The following IFT81 variants were observed in gnomAD, a reference collection of about 807,000 sequenced individuals.
The protein encoded by IFT81 is intraflagellar transport 81.
IFT81 carries 72 observed loss-of-function variants against 102.6 expected under a neutral mutation model. The observed-to-expected ratio is 0.70, with a 90% CI of 0.58 to 0.85. The LOEUF (loss-of-function observed/expected upper bound fraction) is 0.85. IFT81 is among the 40% of genes least tolerant of loss of function. The pLI, the probability that IFT81 is intolerant of heterozygous loss-of-function variation, is 0.00. For synonymous variants in IFT81, 237 were observed against 242.7 expected (o/e 0.98, Z 0.22); for missense variants, 723 against 787.3 (o/e 0.92, Z 0.98).
chr12:110,161,205 A>G lies in IFT81; in HGVS notation c.1042-1714A>G, dbSNP rs944409536. Among the ~76,000 whole-genome samples, 10 of 150,426 alleles carry G rather than the reference A, an allele frequency of 6.6e-5. No homozygotes were observed. The East Asian group carries it at 1.6e-3, about 23-fold the overall frequency. ...ACCCAGGCTGGAGGGCAGTGGTACAATCTCGGCTCACTGCAGCCTCTGCCT... is the reference window on the plus strand; with the variant it reads ...ACCCAGGCTGGAGGGCAGTGGTACAGTCTCGGCTCACTGCAGCCTCTGCCT... On this transcript the variant is annotated intron_variant, in intron 10 of 18. Transcript: ENST00000242591.
intron 17 of IFT81, among the ~76,000 whole-genome samples, chr12:110,206,175 G>T (rs1294305892): frequency 6.6e-6 from 1 of 152,198 alleles, no homozygotes; most frequent in African/African-American, 2.4e-5. Flanking sequence ...TAATTGTGCA[G>T]TGTGATGACT....
At position 110,163,083 on chromosome 12, in the gene IFT81, AT is replaced by A. The variant is rs1346056261; in HGVS notation, c.1188+19del. ...GAGATGAGGTAAGCTGAGCCATCTC[AT>A]GGGACAAGGGTATGAGTATTGTTTT... On this transcript the variant is annotated intron_variant, in intron 11 of 18. Transcript: ENST00000242591. 1.9e-6 allele frequency: 3 copies of A among 1,608,006 alleles called. No individual in the cohort carries two copies. The highest frequency in any genetic ancestry group is 2.6e-6 in the Non-Finnish European group (3 of 1,175,300).
At chr12:110,210,774 CA>C (rs1869301603) in intron 18 of IFT81, among the ~76,000 whole-genome samples, 1 of 151,682 alleles carries the variant, frequency 6.6e-6, no homozygotes, top group Non-Finnish European at 1.5e-5. Flanking sequence ...AATATCATGC[CA>C]AAAATAATTT....
intron 4 of IFT81, among the ~76,000 whole-genome samples, chr12:110,129,721 C>A (rs1894054219): frequency 1.3e-5 from 2 of 152,056 alleles, no homozygotes; most frequent in Non-Finnish European, 2.9e-5. Context: ...TCTTAAAGCT[C>A]TTGAGTACTG....
intron 14 of IFT81, among the ~76,000 whole-genome samples, chr12:110,202,600 G>A (rs752068479): frequency 3.3e-5 from 5 of 151,866 alleles, no homozygotes; most frequent in East Asian, 1.9e-4. Context: ...CTACAGGCAC[G>A]TGCCACCATG....
At chr12:110,130,364 T>A (rs1025848548) in intron 4 of IFT81, among the ~76,000 whole-genome samples, 1 of 139,410 alleles carries the variant, frequency 7.2e-6, no homozygotes, top group Non-Finnish European at 1.6e-5. Flanking sequence ...GTTGATTAAG[T>A]CTTTTTTTTT....
chr12:110,126,085 T>C (rs1192658243), intron 1 of IFT81, among the ~76,000 whole-genome samples: 1 of 152,154 alleles, frequency 6.6e-6, no homozygotes, highest in Non-Finnish European at 1.5e-5. Context: ...CAGACCATCC[T>C]GGCTAACACG....
rs796152227 is a variant in IFT81, at chr12:110,148,479, C to CT, written c.1041+1442dup. Among the ~76,000 whole-genome samples the CT allele has an allele frequency of 7.3e-3, 1,079 of 147,110 alleles. 1 individual carries two copies. The highest frequency in any genetic ancestry group is 9.8e-3 in the Non-Finnish European group (651 of 66,376). On this transcript the variant is annotated intron_variant, in intron 10 of 18. Coordinates refer to ENST00000242591, the MANE Select transcript of IFT81 (RefSeq NM_014055.4). ...CCTTCTTCATTTATTAGCTGGACTA[C>CT]TTTTTTTTTTTCTTTTGAGATGGAG...
Position 110,135,072 on chromosome 12 carries a change from T to G in IFT81, c.585+59T>G, listed in dbSNP as rs537316904. On this transcript the variant is annotated intron_variant, in intron 6 of 18. Transcript: ENST00000242591. Reference sequence around the variant, plus strand: ...CCAAGTCCCAAGGACTTGCAAAGATTTAGGAATGCAAATAAAGATTCAGCC... The same window carrying G: ...CCAAGTCCCAAGGACTTGCAAAGATGTAGGAATGCAAATAAAGATTCAGCC... 36 of 1,258,710 alleles carry G rather than the reference T, an allele frequency of 2.9e-5. No homozygotes were observed. The African/African-American group carries it at 5.1e-4, about 18-fold the overall frequency. 78.0% of individuals were successfully genotyped at this position (1,258,710 alleles called of 1,614,324 possible). A position where few individuals can be genotyped will look rare whatever the true frequency, so the allele number is the denominator to read the frequency against.
At chr12:110,163,589 C>T (rs1054440697) in intron 11 of IFT81, among the ~76,000 whole-genome samples, 11 of 148,274 alleles carry the variant, frequency 7.4e-5, no homozygotes, top group Admixed American at 4.1e-4. Context: ...AATGATTTTA[C>T]GAGATATTAT....
Position 110,128,048 on chromosome 12 carries a change from A to G in IFT81, c.147A>G (p.Gln49=). ...GTTTTTTTCAATTTCTTTGTTAGCA[A>G]CTTGTGGATATCAGAGAGGAGATGC... ...SDVLAEIDPK[Q]LVDIREEMPE... The change falls in exon 3 of 19, where the codon CAA becomes CAG. Residue 49 remains glutamine, a splice_region_variant and synonymous_variant. Transcript: ENST00000242591. 1.2e-6 allele frequency: 2 copies of G among 1,605,548 alleles called. No homozygotes were observed. The highest frequency in any genetic ancestry group is 1.7e-6 in the Non-Finnish European group (2 of 1,172,522).
At chr12:110,198,040 A>T (rs1001560048) in intron 14 of IFT81, among the ~76,000 whole-genome samples, 9 of 152,174 alleles carry the variant, frequency 5.9e-5, no homozygotes, top group African/African-American at 1.9e-4. Flanking sequence ...CATCTCTAAA[A>T]GTAGTTGTTA....
intron 18 of IFT81, among the ~76,000 whole-genome samples, chr12:110,211,546 A>G (rs1869440774): frequency 6.6e-6 from 1 of 152,140 alleles, no homozygotes; most frequent in Admixed American, 6.6e-5. Context: ...TGGTTTAGCT[A>G]ACTATTTTTT....
chr12:110,215,543 C>G (rs1869994545), intron 18 of IFT81, among the ~76,000 whole-genome samples: 2 of 135,908 alleles, frequency 1.5e-5, no homozygotes, highest in Admixed American at 1.7e-4. Context: ...CTCACTGCAG[C>G]CTTGAGTTCC....
At position 110,218,148 on chromosome 12, in the gene IFT81, G is replaced by T; in HGVS notation, c.1953G>T (p.Gln651His). 6.3e-7 allele frequency: 1 copy of T among 1,591,696 alleles called. No homozygotes were observed. The highest frequency in any genetic ancestry group is 8.5e-7 in the Non-Finnish European group (1 of 1,173,866). The change falls in exon 19 of 19, where the codon CAG becomes CAT. Residue 651 changes from glutamine to histidine, a missense_variant. Coordinates refer to ENST00000242591, the MANE Select transcript of IFT81 (RefSeq NM_014055.4). Reference sequence around the variant, plus strand: ...AACAATTAATGGAATGTAAGAAACAGTGCTTTCTGAAACAACAAAGCCAAA... The same window carrying T: ...AACAATTAATGGAATGTAAGAAACATTGCTTTCTGAAACAACAAAGCCAAA... ...DLEQLMECKK[Q>H]CFLKQQSQTS...
intron 12 of IFT81, among the ~76,000 whole-genome samples, chr12:110,189,965 A>G (rs1351620326): frequency 6.6e-6 from 1 of 152,142 alleles, no homozygotes; most frequent in Admixed American, 6.6e-5. Flanking sequence ...ACCCTGATTC[A>G]TGCTACCATT....
At chr12:110,169,445 A>G (rs936455372) in intron 11 of IFT81, among the ~76,000 whole-genome samples, 2 of 152,134 alleles carry the variant, frequency 1.3e-5, no homozygotes, top group African/African-American at 4.8e-5. Context: ...GGGACCCCTG[A>G]CACAGATGGA....
Sources: allele counts gnomAD v4.1 joint callset (sites outside exome capture counted in the v4.1 genomes callset), GRCh38; gene constraint gnomAD v4.1.1; transcripts MANE v1.5; gene names NCBI Gene and HGNC (gene_info 2026-07-23, HGNC 2026-07-21).